The following SLC27A5 variants were observed in gnomAD, a reference collection of about 807,000 sequenced individuals.
SLC27A5 encodes solute carrier family 27 member 5, also known as long-chain fatty acid transport protein 5.
In SLC27A5, 47 loss-of-function variants were observed where a neutral mutation model predicts 63.1. The ratio of observed to expected loss-of-function variants is 0.74; its 90% CI spans 0.59 to 0.95. SLC27A5 has a LOEUF of 0.95. SLC27A5 is among the 40% of genes least tolerant of loss of function. The pLI, the probability that SLC27A5 is intolerant of heterozygous loss-of-function variation, is 0.00. For synonymous variants in SLC27A5, 391 were observed against 403.8 expected, an observed-to-expected ratio of 0.97 and a Z score of 0.38; for missense variants, 940 against 921.0, an observed-to-expected ratio of 1.02 and a Z score of -0.27.
In SLC27A5 at chr19:58,511,638, T is replaced by A; in HGVS notation, c.318A>T (p.Gly106=). ...TGTCAGGCGGCTGCCGGCTCAAGCA[T>A]CCCCTGATCTTCAGGCCCAGGTGGA... ...KILHLGLKIR[G]CLSRQPPDTF... The change falls in exon 1 of 10, where the codon GGA becomes GGT. Residue 106 remains glycine (G), a synonymous_variant. Coordinates refer to ENST00000263093, the MANE Select transcript of SLC27A5 (RefSeq NM_012254.3). The A allele has an allele frequency of 6.3e-7, 1 of 1,599,996 alleles. No individual in the cohort carries two copies. Among genetic ancestry groups the A allele is most frequent in the Non-Finnish European group, 8.5e-7 (1 of 1,172,704 alleles).
intron 1 of SLC27A5, 99 bp from the exon 2 acceptor site, chr19:58,511,029 T>C (rs2053404948): frequency 1.9e-6 from 2 of 1,049,368 alleles, no homozygotes; most frequent in South Asian, 3.4e-5. Context: ...GAGCAGCTAG[T>C]AGAGAAAAGC....
chr19:58,510,149 G>C, intron 2 of SLC27A5, 144 bp from the exon 3 acceptor site: 1 of 738,452 alleles, frequency 1.4e-6, no homozygotes, highest in South Asian at 2.2e-5. Context: ...ATTTGTGGTT[G>C]GGTTCACAGG....
rs1568634338 is a variant in SLC27A5, at chr19:58,510,933, G to T, written c.689-3C>A. The T allele has an allele frequency of 6.3e-7, 1 of 1,589,938 alleles. No homozygotes were observed. The highest frequency in any genetic ancestry group is 1.1e-5 in the South Asian group (1 of 87,852). ...CTCCTCCAGGCTCTCCCGGAGGTCT[G>T]CAGAGATGGGTCAGAGGAGAAACAG... On this transcript the variant is annotated splice_polypyrimidine_tract_variant and splice_region_variant and intron_variant, in intron 1 of 9. Coordinates refer to ENST00000263093, the MANE Select transcript of SLC27A5 (RefSeq NM_012254.3).
intron 1 of SLC27A5, 46 bp from the exon 2 acceptor site, chr19:58,510,976 G>A: frequency 6.8e-7 from 1 of 1,473,338 alleles, no homozygotes; most frequent in Non-Finnish European, 9.1e-7. Flanking sequence ...GCTCACCTTT[G>A]AGGTTGCGAG....
intron 3 of SLC27A5, among the ~76,000 whole-genome samples, chr19:58,505,879 A>T (rs1238457955): frequency 1.4e-5 from 2 of 146,450 alleles, no homozygotes; most frequent in Admixed American, 1.4e-4. Context: ...TTGGCCGGGC[A>T]CGGTAGTTCA....
chr19:58,499,480 C>T lies in SLC27A5; in HGVS notation c.1667+12G>A. On this transcript the variant is annotated intron_variant, in intron 7 of 9. Coordinates refer to ENST00000263093, the MANE Select transcript of SLC27A5 (RefSeq NM_012254.3). ...CCGCGCCAGCCCCGCCCCGAGAAAC[C>T]CTGCCTCGGACCGGAAGGTGTCCCC... The T allele has an allele frequency of 3.1e-6, 5 of 1,612,462 alleles. No individual in the cohort carries two copies. The highest frequency in any genetic ancestry group is 4.5e-5 in the East Asian group (2 of 44,892).
At chr19:58,499,303 G>A in intron 7 of SLC27A5, 83 bp from the exon 8 acceptor site, 1 of 1,446,996 alleles carries the variant, frequency 6.9e-7, no homozygotes, top group East Asian at 2.4e-5. Context: ...CCCCTTTTGG[G>A]GATCAGGAGG....
rs1288210111 is a variant in SLC27A5 at position 58,499,493 on chromosome 19, G to A, written c.1666C>T (p.Arg556Ter). 3.7e-6 allele frequency: 6 copies of A among 1,612,910 alleles called. No homozygotes were observed. Among genetic ancestry groups the A allele is most frequent in the Non-Finnish European group, 4.2e-6 (5 of 1,179,982 alleles). Residue 556 changes from arginine (R) to a stop codon, truncating the protein, a stop_gained and splice_region_variant, in exon 7 of 10, where the codon CGA becomes TGA. Coordinates refer to ENST00000263093, the MANE Select transcript of SLC27A5 (RefSeq NM_012254.3). LOFTEE classifies it high-confidence loss of function. ...GCCCCGAGAAACCCTGCCTCGGACC[G>A]GAAGGTGTCCCCGAGGCGGTCGCGG... ...YFRDRLGDTF[R>*]WKGENVSTHE...
At chr19:58,501,492 A>AC (rs2053273780) in intron 3 of SLC27A5, 82 bp from the exon 4 acceptor site, 16 of 1,450,200 alleles carry the variant, frequency 1.1e-5, no homozygotes, top group East Asian at 7.0e-5. Context: ...GTGCTCACCC[A>AC]CCCCCACACC....
At position 58,510,058 on chromosome 19, in the gene SLC27A5, G is replaced by C. The variant is rs1300846040; in HGVS notation, c.899-53C>G. ...GGTGGTGACATGACAGCACAGAGAG[G>C]GGCCTGACCAGAGGGATAGATCTCC... is the stretch of plus-strand genomic sequence containing the variant. On this transcript the variant is annotated intron_variant, in intron 2 of 9. Transcript: ENST00000263093. The C allele has an allele frequency of 5.7e-6, 9 of 1,567,872 alleles. No homozygotes were observed. The East Asian group carries it at 2.0e-4, about 35-fold the overall frequency.
intron 4 of SLC27A5, chr19:58,500,991 G>A (rs1954919775): frequency 7.7e-7 from 1 of 1,292,528 alleles, no homozygotes; most frequent in Non-Finnish European, 9.8e-7. Flanking sequence ...TAGTTACCTA[G>A]AACTTTAATT....
chr19:58,507,087 G>A (rs746761660), intron 3 of SLC27A5, among the ~76,000 whole-genome samples: 16 of 151,382 alleles, frequency 1.1e-4, no homozygotes, highest in East Asian at 5.9e-4. Flanking sequence ...GGCCGGGCGC[G>A]GTGGCTCATG....
rs2053272468 is a variant in SLC27A5 at position 58,501,406 on chromosome 19, G to A, written c.1062C>T (p.Ala354=). 6.2e-7 allele frequency: 1 copy of A among 1,612,992 alleles called. No homozygotes were observed. ...VGILGCLDLG[A]TCVLAPKFST... is the part of the protein sequence containing the mutation. ...AGAACTTGGGGGCCAGAACACAGGT[G>A]GCTCCTGGGAGATGACAGGAGAGGG... is the stretch of plus-strand genomic sequence containing the variant. The change falls in exon 4 of 10, where the codon GCC becomes GCT. Residue 354 remains alanine, a synonymous_variant. Transcript: ENST00000263093.
intron 3 of SLC27A5, chr19:58,508,780 A>G (rs1341373911): frequency 1.3e-5 from 2 of 151,970 alleles, no homozygotes; most frequent in African/African-American, 4.8e-5. Flanking sequence ...GCTGGAAAAC[A>G]CAAAAAGGCC....
chr19:58,499,267 A>C, intron 7 of SLC27A5, 47 bp from the exon 8 acceptor site: 1 of 1,571,594 alleles, frequency 6.4e-7, no homozygotes. Context: ...CGGGAAGGAG[A>C]GGCCCCGCCT....
rs564835453 is a variant in SLC27A5 at position 58,510,836 on chromosome 19, C to G, written c.783G>C (p.Val261=). ...CATCCAGGGCAGCCCCCAGAGCCCC[C>G]ACCCCTGGTGTAGGGGAGGTATGGC... The part of the protein sequence containing the change: ...YLSHTSPTPG[V]GALGAALDAA... Residue 261 remains valine, a synonymous_variant, in exon 2 of 10, where the codon GTG becomes GTC. Coordinates refer to ENST00000263093, the MANE Select transcript of SLC27A5 (RefSeq NM_012254.3). 3 of 1,613,300 alleles carry G rather than the reference C, an allele frequency of 1.9e-6. No homozygotes were observed. Among genetic ancestry groups the G allele is most frequent in the South Asian group, 2.2e-5 (2 of 90,876 alleles).
At position 58,511,644 on chromosome 19, in the gene SLC27A5, G is replaced by T; in HGVS notation, c.312C>A (p.Ile104=). 1 of 1,600,874 alleles carries T rather than the reference G, an allele frequency of 6.2e-7. No homozygotes were observed. The highest frequency in any genetic ancestry group is 1.3e-5 in the African/African-American group (1 of 74,804). ...GCGGCTGCCGGCTCAAGCATCCCCT[G>T]ATCTTCAGGCCCAGGTGGAGGATCT... ...LAKILHLGLK[I]RGCLSRQPPD... is the part of the protein sequence containing the mutation. The change falls in exon 1 of 10, where the codon ATC becomes ATA. Residue 104 remains isoleucine (I), a synonymous_variant. Coordinates refer to ENST00000263093, the MANE Select transcript of SLC27A5 (RefSeq NM_012254.3).
chr19:58,510,600 C>CA, intron 2 of SLC27A5, 121 bp downstream of exon 2: 4 of 881,856 alleles, frequency 4.5e-6, no homozygotes, highest in Non-Finnish European at 6.6e-6. Flanking sequence ...AAACAAAAAA[C>CA]AAATGTCAAA....
chr19:58,499,145 G>T lies in SLC27A5; in HGVS notation c.1743C>A (p.Asn581Lys), dbSNP rs771388335. Residue 581 changes from asparagine (N) to lysine (K), a missense_variant, in exon 8 of 10, where the codon AAC becomes AAA. Asn to Lys is a moderately conservative substitution (Grantham distance 94, BLOSUM62 0). Coordinates refer to ENST00000263093, the MANE Select transcript of SLC27A5 (RefSeq NM_012254.3). ...LSQVDFLQQV[N>K]VYGVCVPGCE... Reference sequence around the variant, plus strand: ...CACCTGGCACGCACACGCCATACACGTTAACCTGTTGCAAGAAGTCCACCT... The same window carrying T: ...CACCTGGCACGCACACGCCATACACTTTAACCTGTTGCAAGAAGTCCACCT... 1.2e-6 allele frequency: 2 copies of T among 1,614,024 alleles called. No individual in the cohort carries two copies. The highest frequency in any genetic ancestry group is 2.2e-5 in the South Asian group (2 of 91,086).
Sources: gnomAD v4.1 joint callset for allele counts (sites outside exome capture counted in the v4.1 genomes callset) on GRCh38, gnomAD v4.1.1 for gene constraint, MANE v1.5 for transcripts, NCBI Gene and HGNC (gene_info 2026-07-23, HGNC 2026-07-21) for gene names.